Variants in NFE2L3 observed in about 807,000 individuals in gnomAD.
NFE2L3 encodes the protein NFE2 like bZIP transcription factor 3, also known as nuclear factor erythroid 2-related factor 3.
NFE2L3 carries 18 observed loss-of-function variants against 23.5 expected under a neutral mutation model. That is an observed-to-expected ratio of 0.77 (90% CI 0.53 to 1.13). The LOEUF (loss-of-function observed/expected upper bound fraction) is 1.13. Among genes scored for constraint, NFE2L3 ranks in the 50% most tolerant of loss-of-function variants. NFE2L3 has a pLI of 0.00. For synonymous variants in NFE2L3, 424 were observed against 354.5 expected, an observed-to-expected ratio of 1.20 and a Z score of -2.20; for missense variants, 1,152 against 877.2, an observed-to-expected ratio of 1.31 and a Z score of -3.96.
Position 26,178,019 on chromosome 7 carries a change from C to T in NFE2L3, c.647C>T (p.Ser216Leu). The T allele has an allele frequency of 6.2e-7, 1 of 1,614,096 alleles. No individual in the cohort carries two copies. The highest frequency in any genetic ancestry group is 8.5e-7 in the Non-Finnish European group (1 of 1,180,000). The part of the protein sequence containing the change: ...SQHEENEERV[S>L]AQKENSLQQN... ...CATGAGGAAAATGAAGAAAGGGTGT[C>T]AGCCCAGAAGGAGAACTCACTTCAG... is the stretch of plus-strand genomic sequence containing the variant. Residue 216 changes from serine (S) to leucine (L), a missense_variant, in exon 2 of 4, where the codon TCA becomes TTA. Ser to Leu is a moderately radical substitution (Grantham distance 145). Coordinates refer to ENST00000056233, the MANE Select transcript of NFE2L3 (RefSeq NM_004289.7).
In NFE2L3 at chr7:26,185,642, A is replaced by G; in HGVS notation, c.1944A>G (p.Arg648=). The G allele has an allele frequency of 1.9e-6, 3 of 1,613,976 alleles. No homozygotes were observed. The highest frequency in any genetic ancestry group is 2.5e-6 in the Non-Finnish European group (3 of 1,179,854). The change falls in exon 4 of 4, where the codon AGA becomes AGG. Residue 648 remains arginine, a synonymous_variant. Transcript: ENST00000056233. ...ACCTTTATCATGATATTTTTAGTAG[A>G]TTAAGAGATGACCAAGGTAGGCCAG... ...LHDLYHDIFS[R]LRDDQGRPVN...
At position 26,184,524 on chromosome 7, in the gene NFE2L3, G is replaced by A. The variant is rs374006745; in HGVS notation, c.835-9G>A. ...TTCATGTTTGAAGTGTTTCTCCTTC[G>A]TTTTTCAGGGCATCTCATTGGGAGA... On this transcript the variant is annotated splice_polypyrimidine_tract_variant and intron_variant, in intron 3 of 3. Coordinates refer to ENST00000056233, the MANE Select transcript of NFE2L3 (RefSeq NM_004289.7). 16 of 1,597,752 alleles carry A rather than the reference G, an allele frequency of 1.0e-5. No individual in the cohort carries two copies. In the African/African-American group the frequency reaches 1.2e-4, roughly 12 times the overall value.
At chr7:26,167,982 G>T (rs901854557) in intron 1 of NFE2L3, among the ~76,000 whole-genome samples, 1 of 152,084 alleles carries the variant, frequency 6.6e-6, no homozygotes, top group East Asian at 1.9e-4. Context: ...GTGGTTACAT[G>T]AGTGAGTTCT....
Position 26,185,185 on chromosome 7 carries a change from A to G in NFE2L3, c.1487A>G (p.His496Arg), listed in dbSNP as rs778855968. The change falls in exon 4 of 4, where the codon CAT becomes CGT. Residue 496 changes from histidine (H) to arginine (R), a missense_variant. By Grantham distance (29) the His-to-Arg change is conservative. Transcript: ENST00000056233. ...GATCTTACATTTCAACACGTATTTC[A>G]TAACCACACTTACCACTTACAGCCA... is the stretch of plus-strand genomic sequence containing the variant. ...HGDLTFQHVFHNHTYHLQPTA... is the reference protein window; with the variant it reads ...HGDLTFQHVFRNHTYHLQPTA... 154 of 1,613,760 alleles carry G rather than the reference A, an allele frequency of 9.5e-5. No individual in the cohort carries two copies. The highest frequency in any genetic ancestry group is 3.3e-4 in the Middle Eastern group (2 of 6,078).
chr7:26,153,196 G>C, intron 1 of NFE2L3, 128 bp downstream of exon 1: 13 of 928,900 alleles, frequency 1.4e-5, no homozygotes, highest in Non-Finnish European at 2.0e-5. Flanking sequence ...GGTCTTTGCA[G>C]GTTCGCAGAT....
intron 1 of NFE2L3, among the ~76,000 whole-genome samples, chr7:26,171,799 G>A (rs1217197111): frequency 6.6e-6 from 1 of 152,156 alleles, no homozygotes; most frequent in Non-Finnish European, 1.5e-5. Flanking sequence ...GGGAGGCCAA[G>A]GAGGAAGAAT....
At chr7:26,172,788 G>A (rs1423050908) in intron 1 of NFE2L3, among the ~76,000 whole-genome samples, 1 of 152,172 alleles carries the variant, frequency 6.6e-6, no homozygotes, top group African/African-American at 2.4e-5. Context: ...GTTTAACTTC[G>A]TATTTTGATG....
At chr7:26,179,142 G>A (rs1159354059) in intron 2 of NFE2L3, among the ~76,000 whole-genome samples, 1 of 151,390 alleles carries the variant, frequency 6.6e-6, no homozygotes, top group African/African-American at 2.4e-5. Flanking sequence ...ATCTAGGGCA[G>A]GTCCCATAAA....
At chr7:26,176,545 G>A (rs1236182934) in intron 1 of NFE2L3, among the ~76,000 whole-genome samples, 249 of 117,836 alleles carry the variant, frequency 2.1e-3, no homozygotes, top group African/African-American at 7.9e-3. Flanking sequence ...CATCCCAGAC[G>A]GGGTGGCCAG....
rs1371332390 is a variant in NFE2L3, at chr7:26,176,928, G to A, written c.571-1015G>A. On this transcript the variant is annotated intron_variant, in intron 1 of 3. Transcript: ENST00000056233. ...GCTCCTCACATCCCAGACGATGGGC[G>A]GCCAGGCAGAGATGCTCCTCACTTC... 4.5e-5 allele frequency among the ~76,000 whole-genome samples: 5 copies of A among 111,680 alleles called. 1 individual carries two copies. The highest frequency in any genetic ancestry group is 1.8e-4 in the Admixed American group (2 of 11,290). The allele number at this position is 111,680 out of a possible 152,430, so 73.3% of individuals were successfully genotyped here. A position where few individuals can be genotyped will look rare whatever the true frequency, so the allele number is the denominator to read the frequency against.
In NFE2L3 at chr7:26,184,032, A is replaced by G; in HGVS notation, c.834+248A>G. ...GATTTCTCAAAAAACTAAAAGAATT[A>G]TCAGGTATTTATCCAAAGGAAAGGA... is the stretch of plus-strand genomic sequence containing the variant. On this transcript the variant is annotated intron_variant, in intron 3 of 3. Transcript: ENST00000056233. 9.9e-6 allele frequency: 5 copies of G among 502,638 alleles called. No homozygotes were observed. The South Asian group carries it at 1.1e-4, about 11-fold the overall frequency. The allele number at this position is 502,638 out of a possible 1,614,324, so 31.1% of individuals were successfully genotyped here.
chr7:26,175,872 T>TA, intron 1 of NFE2L3, among the ~76,000 whole-genome samples: 1 of 138,890 alleles, frequency 7.2e-6, no homozygotes, highest in South Asian at 2.3e-4. Context: ...TTTTTTTTTT[T>TA]AGTATTTATT....
intron 2 of NFE2L3, 125 bp from the exon 3 acceptor site, chr7:26,183,576 A>G (rs1782387456): frequency 3.1e-6 from 2 of 648,098 alleles, no homozygotes; most frequent in South Asian, 3.8e-5. Flanking sequence ...CTTCCAACCA[A>G]GGAACATAAT....
At chr7:26,180,914 T>A (rs530367098) in intron 2 of NFE2L3, among the ~76,000 whole-genome samples, 49 of 152,176 alleles carry the variant, frequency 3.2e-4, no homozygotes, top group Non-Finnish European at 4.1e-4. Context: ...CATTGTGTTA[T>A]CTCCATGTTC....
intron 1 of NFE2L3, among the ~76,000 whole-genome samples, chr7:26,155,767 G>C (rs369077033): frequency 1.3e-5 from 2 of 152,268 alleles, no homozygotes; most frequent in South Asian, 2.1e-4. Context: ...TGGTCTTTGC[G>C]GTCAGCTAGA....
At chr7:26,167,251 T>C (rs904935010) in intron 1 of NFE2L3, among the ~76,000 whole-genome samples, 3 of 152,294 alleles carry the variant, frequency 2.0e-5, no homozygotes, top group Non-Finnish European at 4.4e-5. Flanking sequence ...ATATAATTTG[T>C]GATTTTAGAT....
chr7:26,175,204 A>C (rs1273407227), intron 1 of NFE2L3, among the ~76,000 whole-genome samples: 1 of 150,622 alleles, frequency 6.6e-6, no homozygotes, highest in Non-Finnish European at 1.5e-5. Flanking sequence ...AAAAAAAAAA[A>C]AAAAAAATAG....
chr7:26,184,609 ACTT>A lies in NFE2L3; in HGVS notation c.913_915del (p.Phe305del). 1 of 1,613,902 alleles carries A rather than the reference ACTT, an allele frequency of 6.2e-7. No individual in the cohort carries two copies. Among genetic ancestry groups the A allele is most frequent in the Non-Finnish European group, 8.5e-7 (1 of 1,179,816 alleles). On this transcript the variant is annotated inframe_deletion, in exon 4 of 4. Coordinates refer to ENST00000056233, the MANE Select transcript of NFE2L3 (RefSeq NM_004289.7). ...AATTCTTCAGCACATTATCATGTAA[ACTT>A]CAGCCAGGCTATAAGTCAGGATGTG... is the stretch of plus-strand genomic sequence containing the variant.
chr7:26,183,365 T>C (rs1362674305), intron 2 of NFE2L3, among the ~76,000 whole-genome samples: 1 of 145,748 alleles, frequency 6.9e-6, no homozygotes, highest in Non-Finnish European at 1.5e-5. Context: ...TTGGCCAACA[T>C]GGTGAAACCC....
Sources: gnomAD v4.1 joint callset for allele counts (sites outside exome capture counted in the v4.1 genomes callset) on GRCh38, gnomAD v4.1.1 for gene constraint, MANE v1.5 for transcripts, NCBI Gene and HGNC (gene_info 2026-07-23, HGNC 2026-07-21) for gene names.